ERICH3: variants seen among roughly 807,000 people sequenced by gnomAD.
ERICH3 encodes glutamate-rich protein 3.
ERICH3 carries 126 observed loss-of-function variants against 131.1 expected under a neutral mutation model. That is an observed-to-expected ratio of 0.96 (90% confidence interval 0.83 to 1.11). The LOEUF (loss-of-function observed/expected upper bound fraction) is 1.11. ERICH3 is among the 50% of genes most tolerant of loss of function. The probability of loss-of-function intolerance (pLI) is 0.00; values close to 1 mark genes in which losing one functional copy is unlikely to be tolerated. For synonymous variants in ERICH3, 695 were observed against 644.6 expected (o/e 1.08, Z -1.18); for missense variants, 2,050 against 1,810.7 (o/e 1.13, Z -2.40).
intron 3 of ERICH3, among the ~76,000 whole-genome samples, chr1:74,646,229 G>T (rs1309631443): frequency 2.6e-5 from 4 of 151,962 alleles, no homozygotes; most frequent in African/African-American, 9.7e-5. Flanking sequence ...AAGAATAACA[G>T]ATCTGAAATA....
intron 3 of ERICH3, among the ~76,000 whole-genome samples, chr1:74,646,084 A>G (rs921569059): frequency 1.4e-5 from 2 of 147,438 alleles, no homozygotes; most frequent in African/African-American, 4.9e-5. Flanking sequence ...ATACCCTGTC[A>G]GATTAAAAAA....
At chr1:74,638,130 G>A (rs1370170623) in intron 5 of ERICH3, among the ~76,000 whole-genome samples, 1 of 152,136 alleles carries the variant, frequency 6.6e-6, no homozygotes, top group Non-Finnish European at 1.5e-5. Flanking sequence ...CTGGAAAAGT[G>A]TGTGTAAATA....
chr1:74,645,451 A>T (rs978914006), intron 3 of ERICH3, among the ~76,000 whole-genome samples: 1 of 151,576 alleles, frequency 6.6e-6, no homozygotes, highest in African/African-American at 2.4e-5. Context: ...AATATATTAC[A>T]TATTAACATT....
intron 12 of ERICH3, among the ~76,000 whole-genome samples, chr1:74,584,380 T>C (rs1647241028): frequency 6.6e-6 from 1 of 152,180 alleles, no homozygotes; most frequent in Non-Finnish European, 1.5e-5. Flanking sequence ...CCATGACCTA[T>C]GAGCTTCCTC....
In ERICH3 at chr1:74,590,004, C is replaced by A. The variant is rs1290226097; in HGVS notation, c.1803G>T (p.Gly601=). ...SSDSEDESAV[G]DREAHTDSST... ...TGCTGTCAGTGTGGGCTTCCCTGTCCCCCACTGCAGATTCATCCTCACTGT... is the reference window on the plus strand; with the variant it reads ...TGCTGTCAGTGTGGGCTTCCCTGTCACCCACTGCAGATTCATCCTCACTGT... The change falls in exon 12 of 15, where the codon GGG becomes GGT. Residue 601 remains glycine, a synonymous_variant. Transcript: ENST00000326665. The A allele has an allele frequency of 6.2e-7, 1 of 1,613,842 alleles. No individual in the cohort carries two copies. The highest frequency in any genetic ancestry group is 1.7e-5 in the Admixed American group (1 of 59,984).
chr1:74,624,688 C>T (rs1649354348), intron 7 of ERICH3: 1 of 152,696 alleles, frequency 6.5e-6, no homozygotes, highest in Non-Finnish European at 1.5e-5. Context: ...GCTCACATTT[C>T]CTCCCCCACT....
intron 3 of ERICH3, among the ~76,000 whole-genome samples, chr1:74,645,939 G>C (rs1301288695): frequency 1.3e-5 from 2 of 152,070 alleles, no homozygotes; most frequent in East Asian, 3.9e-4. Context: ...CCAGTTTTCT[G>C]ATTTACTGCT....
chr1:74,592,718 G>T (rs934874614), intron 11 of ERICH3, among the ~76,000 whole-genome samples: 3 of 152,108 alleles, frequency 2.0e-5, no homozygotes, highest in Admixed American at 6.6e-5. Context: ...GAATGGCCTC[G>T]AAGTGGCCAG....
intron 13 of ERICH3, among the ~76,000 whole-genome samples, chr1:74,574,284 C>T: frequency 6.6e-6 from 1 of 152,004 alleles, no homozygotes; most frequent in East Asian, 1.9e-4. Flanking sequence ...TGCACCTGGC[C>T]CTGAACTCAT....
chr1:74,573,000 G>A lies in ERICH3; in HGVS notation c.2710C>T (p.Leu904Phe). The change falls in exon 14 of 15, where the codon CTT (leucine) becomes TTT (phenylalanine). Residue 904 changes from leucine to phenylalanine, a missense_variant. Coordinates refer to ENST00000326665, the MANE Select transcript of ERICH3 (RefSeq NM_001002912.5). The stretch of plus-strand genomic sequence containing the variant: ...TTCAGGGCTGCTGCTTCATTTGCAA[G>A]CACTGCCTTCTCTAAACCCTGTTCC... ...EGEQGLEKAV[L>F]ANEAAALNLE... 3 of 1,614,098 alleles carry A rather than the reference G, an allele frequency of 1.9e-6. No individual in the cohort carries two copies. Among genetic ancestry groups the A allele is most frequent in the South Asian group, 2.2e-5 (2 of 91,084 alleles).
chr1:74,590,175 T>C, intron 11 of ERICH3, 95 bp from the exon 12 acceptor site: 1 of 1,113,984 alleles, frequency 9.0e-7, no homozygotes, highest in Non-Finnish European at 1.2e-6. Flanking sequence ...ACTAAAAATT[T>C]TAAAACATAG....
At chr1:74,575,061 G>T (rs1647026497) in intron 13 of ERICH3, among the ~76,000 whole-genome samples, 1 of 150,658 alleles carries the variant, frequency 6.6e-6, no homozygotes, top group Non-Finnish European at 1.5e-5. Context: ...TGCCTTCTTG[G>T]CTAGCCATCT....
At chr1:74,588,891 T>G (rs752280447) in intron 12 of ERICH3, among the ~76,000 whole-genome samples, 2 of 152,098 alleles carry the variant, frequency 1.3e-5, no homozygotes, top group African/African-American at 2.4e-5. Flanking sequence ...GCCCCAGGGA[T>G]CAGAAAGTAA....
At chr1:74,608,365 T>C (rs699848) in intron 9 of ERICH3, among the ~76,000 whole-genome samples, 105,454 of 151,814 alleles carry the variant, frequency 0.69, 37,803 homozygotes, top group African/African-American at 0.88. Context: ...CTGCATGTGA[T>C]ACAACTACCA....
intron 11 of ERICH3, 111 bp downstream of exon 11, chr1:74,599,584 C>T (rs1570846384): frequency 1.1e-6 from 1 of 940,760 alleles, no homozygotes; most frequent in East Asian, 2.5e-5. Context: ...AGTTAGAAAA[C>T]ATACATTCAA....
At chr1:74,670,870 G>A (rs1646736158) in intron 1 of ERICH3, among the ~76,000 whole-genome samples, 1 of 152,152 alleles carries the variant, frequency 6.6e-6, no homozygotes, top group Non-Finnish European at 1.5e-5. Flanking sequence ...TTCCTAGCAA[G>A]GAATATTAAT....
In ERICH3 at chr1:74,568,679, T is replaced by G. The variant is rs1014376977; in HGVS notation, c.*1779A>C. 1 of 152,104 alleles carries G rather than the reference T, an allele frequency of 6.6e-6. No homozygotes were observed. Among genetic ancestry groups the G allele is most frequent in the Non-Finnish European group, 1.5e-5 (1 of 68,004 alleles). 9.4% of individuals were successfully genotyped at this position (152,104 alleles called of 1,614,324 possible). Reference sequence around the variant, plus strand: ...AAGATTGACTCCACCACTTTTATATTGAGTGCCATTTACTAGAGAAAGAAA... The same window carrying G: ...AAGATTGACTCCACCACTTTTATATGGAGTGCCATTTACTAGAGAAAGAAA... On this transcript the variant is annotated 3_prime_UTR_variant, in exon 15 of 15. Coordinates refer to ENST00000326665, the MANE Select transcript of ERICH3 (RefSeq NM_001002912.5).
chr1:74,601,275 G>A (rs949749030), intron 10 of ERICH3, among the ~76,000 whole-genome samples: 16 of 151,678 alleles, frequency 1.1e-4, no homozygotes, highest in Admixed American at 4.6e-4. Context: ...TTCCTCACCT[G>A]ACCCTGTTAA....
At chr1:74,666,988 G>A (rs1646698843) in intron 1 of ERICH3, among the ~76,000 whole-genome samples, 1 of 152,070 alleles carries the variant, frequency 6.6e-6, no homozygotes, top group African/African-American at 2.4e-5. Context: ...TGTACAAGTA[G>A]GGCACTGCAC....
Sources: allele counts gnomAD v4.1 joint callset (sites outside exome capture counted in the v4.1 genomes callset), GRCh38; gene constraint gnomAD v4.1.1; transcripts MANE v1.5; gene names NCBI Gene and HGNC (gene_info 2026-07-23, HGNC 2026-07-21).